The following SLC24A3 variants were observed in gnomAD, a reference collection of about 807,000 sequenced individuals.
SLC24A3 encodes the protein solute carrier family 24 member 3, also known as sodium/potassium/calcium exchanger 3.
Under a neutral mutation model 75.8 loss-of-function variants are expected in SLC24A3, and 28 were observed. The ratio of observed to expected loss-of-function variants is 0.37; its 90% CI spans 0.27 to 0.51. The LOEUF (loss-of-function observed/expected upper bound fraction) is 0.51, where lower values mean the gene tolerates loss of function less well. Ranked by LOEUF, SLC24A3 falls within the 20% of genes least tolerant of loss-of-function variation. The probability of loss-of-function intolerance (pLI) is 0.94; values close to 1 mark genes in which losing one functional copy is unlikely to be tolerated. For missense variants in SLC24A3, 663 were observed against 847.8 expected (o/e 0.78, Z 2.71); for synonymous variants, 372 against 334.1 (o/e 1.11, Z -1.24).
chr20:19,220,180 A>G (rs116637401), intron 1 of SLC24A3, among the ~76,000 whole-genome samples: 13 of 152,230 alleles, frequency 8.5e-5, no homozygotes. Flanking sequence ...ACCAATAAAC[A>G]TCACTTATTT....
intron 1 of SLC24A3, among the ~76,000 whole-genome samples, chr20:19,228,519 C>T (rs1260253249): frequency 1.3e-5 from 2 of 151,972 alleles, no homozygotes; most frequent in Non-Finnish European, 2.9e-5. Flanking sequence ...GTGGTGGGCG[C>T]CTGTAGTCTC....
chr20:19,372,345 A>T (rs1013017125), intron 2 of SLC24A3, among the ~76,000 whole-genome samples: 12 of 152,246 alleles, frequency 7.9e-5, no homozygotes, highest in African/African-American at 2.9e-4. Context: ...GTGAAGCCTC[A>T]TGAGGTACAC....
At chr20:19,577,306 C>T (rs746162903) in intron 3 of SLC24A3, among the ~76,000 whole-genome samples, 8 of 152,284 alleles carry the variant, frequency 5.3e-5, no homozygotes, top group South Asian at 2.1e-4. Context: ...CTGCCCGCCT[C>T]GGCCTCCCAA....
rs567040122 is a variant in SLC24A3 at position 19,512,368 on chromosome 20, G to A, written c.272-3120G>A. 7.7e-4 allele frequency among the ~76,000 whole-genome samples: 118 copies of A among 152,260 alleles called. 1 individual carries two copies. The highest frequency in any genetic ancestry group is 3.9e-3 in the South Asian group (19 of 4,820). ...GGGCAGCTTCTGGGTGGACTGTCCC[G>A]AGCCAGCATGGGGCCCTTTGGGTCC... On this transcript the variant is annotated intron_variant, in intron 2 of 16. Transcript: ENST00000328041.
At chr20:19,482,865 G>A (rs1988078547) in intron 2 of SLC24A3, among the ~76,000 whole-genome samples, 1 of 152,188 alleles carries the variant, frequency 6.6e-6, no homozygotes, top group Admixed American at 6.5e-5. Context: ...TCAATAGGAG[G>A]CTCTGCACCT....
intron 3 of SLC24A3, among the ~76,000 whole-genome samples, chr20:19,568,410 TA>T (rs2030997133): frequency 6.6e-6 from 1 of 152,228 alleles, no homozygotes; most frequent in African/African-American, 2.4e-5. Flanking sequence ...AGACATATAA[TA>T]GAATATTATT....
intron 3 of SLC24A3, among the ~76,000 whole-genome samples, chr20:19,567,210 C>T (rs188212251): frequency 1.5e-3 from 225 of 152,230 alleles, no homozygotes; most frequent in African/African-American, 3.8e-3. Context: ...GAATATAAAT[C>T]GTTCTACCAT....
intron 2 of SLC24A3, among the ~76,000 whole-genome samples, chr20:19,500,746 A>G (rs1988372172): frequency 6.6e-6 from 1 of 152,216 alleles, no homozygotes; most frequent in South Asian, 2.1e-4. Flanking sequence ...CATCGTTACA[A>G]GAACTCAAAC....
chr20:19,557,971 G>A (rs925869003), intron 3 of SLC24A3, among the ~76,000 whole-genome samples: 1 of 152,162 alleles, frequency 6.6e-6, no homozygotes, highest in African/African-American at 2.4e-5. Flanking sequence ...GTGTGTATGT[G>A]TGTACATGCA....
At chr20:19,580,095 G>T in intron 4 of SLC24A3, 21 bp downstream of exon 4, 4 of 1,604,978 alleles carry the variant, frequency 2.5e-6, no homozygotes, top group South Asian at 2.2e-5. Flanking sequence ...CACATTCTTG[G>T]TATGTGTGAG....
intron 6 of SLC24A3, among the ~76,000 whole-genome samples, chr20:19,638,795 C>T (rs7274465): frequency 0.047 from 7,225 of 152,170 alleles, 257 homozygotes; most frequent in African/African-American, 0.096. Flanking sequence ...CACAGACCCT[C>T]GCGGTGAGTG....
intron 6 of SLC24A3, among the ~76,000 whole-genome samples, chr20:19,591,783 C>T (rs1179762543): frequency 6.6e-6 from 1 of 152,200 alleles, no homozygotes; most frequent in Non-Finnish European, 1.5e-5. Context: ...ATCACTTCCA[C>T]CTCGAATACA....
intron 3 of SLC24A3, among the ~76,000 whole-genome samples, chr20:19,577,468 C>T (rs996307923): frequency 6.6e-6 from 1 of 152,308 alleles, no homozygotes; most frequent in South Asian, 2.1e-4. Flanking sequence ...CCAGGCTCCT[C>T]AGAAATTAGT....
At chr20:19,223,771 A>C (rs537023203) in intron 1 of SLC24A3, among the ~76,000 whole-genome samples, 1 of 152,218 alleles carries the variant, frequency 6.6e-6, no homozygotes, top group African/African-American at 2.4e-5. Flanking sequence ...AGTCAGGTGC[A>C]TGACGTAGGC....
chr20:19,681,976 G>A lies in SLC24A3; in HGVS notation c.886G>A (p.Val296Met). Residue 296 changes from valine to methionine, a missense_variant, in exon 10 of 17, where the codon GTG becomes ATG. By Grantham distance (21) the Val-to-Met change is conservative (BLOSUM62 1). Transcript: ENST00000328041. Reference sequence around the variant, plus strand: ...CAGCAGCAACTGCGACGCAACTGTGGTGCTACTTAAGAAAGGTAACCAAGG... The same window carrying A: ...CAGCAGCAACTGCGACGCAACTGTGATGCTACTTAAGAAAGGTAACCAAGG... The part of the protein sequence containing the change: ...DDSSNCDATV[V>M]LLKKANFHRK... The A allele has an allele frequency of 1.2e-6, 2 of 1,614,074 alleles. No individual in the cohort carries two copies. The highest frequency in any genetic ancestry group is 1.7e-6 in the Non-Finnish European group (2 of 1,180,028).
chr20:19,425,724 G>A (rs1209629586), intron 2 of SLC24A3, among the ~76,000 whole-genome samples: 1 of 152,166 alleles, frequency 6.6e-6, no homozygotes, highest in Non-Finnish European at 1.5e-5. Context: ...CTTCTCTGAA[G>A]AGAAACTCCC....
chr20:19,579,362 T>C (rs1323276414), intron 3 of SLC24A3, among the ~76,000 whole-genome samples: 1 of 152,226 alleles, frequency 6.6e-6, no homozygotes, highest in Non-Finnish European at 1.5e-5. Flanking sequence ...GAAGCAAGTT[T>C]GCAAAGCTTT....
At chr20:19,314,257 CT>C (rs1984526698) in intron 2 of SLC24A3, among the ~76,000 whole-genome samples, 1 of 144,076 alleles carries the variant, frequency 6.9e-6, no homozygotes, top group South Asian at 2.2e-4. Flanking sequence ...ATTCCAAATC[CT>C]CTTTTTTTGT....
intron 2 of SLC24A3, among the ~76,000 whole-genome samples, chr20:19,388,387 T>A (rs1986307648): frequency 6.6e-6 from 1 of 152,228 alleles, no homozygotes; most frequent in Non-Finnish European, 1.5e-5. Context: ...TGACAGTTTT[T>A]AACTTAAATT....
Sources: allele counts gnomAD v4.1 joint callset (sites outside exome capture counted in the v4.1 genomes callset), GRCh38; gene constraint gnomAD v4.1.1; transcripts MANE v1.5; gene names NCBI Gene and HGNC (gene_info 2026-07-23, HGNC 2026-07-21).